The following AKAP9 variants were observed in gnomAD, a reference collection of about 807,000 sequenced individuals.
AKAP9 encodes A-kinase anchor protein 9.
A neutral mutation model predicts 488.5 loss-of-function variants in AKAP9; 311 were observed. The observed-to-expected ratio is 0.64, with a 90% CI of 0.58 to 0.70. The LOEUF (loss-of-function observed/expected upper bound fraction) is 0.70. AKAP9 is among the 30% of genes least tolerant of loss of function. AKAP9 has a pLI of 0.00. For synonymous variants in AKAP9, 1,462 were observed against 1,483.5 expected, an observed-to-expected ratio of 0.99 and a Z score of 0.33; for missense variants, 4,215 against 4,374.5, an observed-to-expected ratio of 0.96 and a Z score of 1.03.
Position 92,022,982 on chromosome 7 carries a change from C to A in AKAP9, c.4121C>A (p.Ala1374Asp), listed in dbSNP as rs1802546746. Residue 1374 changes from alanine to aspartate, a missense_variant, in exon 14 of 50, where the codon GCT (alanine) becomes GAT (aspartate). This residue lies in a region of AKAP9 where 2,361 missense variants were observed against 2,430.0 expected (regional missense o/e 0.97). Coordinates refer to ENST00000356239, the MANE Select transcript of AKAP9 (RefSeq NM_005751.5). The stretch of plus-strand genomic sequence containing the variant: ...CACTGTTTACAGAAGAGGCTTCAAG[C>A]TGTTAGTGAGTCCACGGTTCCGCCA... ...EIHCLQKRLQ[A>D]VSESTVPPSL... is the part of the protein sequence containing the mutation. The A allele has an allele frequency of 6.2e-7, 1 of 1,613,890 alleles. No homozygotes were observed. The highest frequency in any genetic ancestry group is 1.1e-5 in the South Asian group (1 of 91,084).
chr7:92,088,556 A>G (rs1814998461), intron 37 of AKAP9, among the ~76,000 whole-genome samples: 1 of 152,220 alleles, frequency 6.6e-6, no homozygotes, highest in Non-Finnish European at 1.5e-5. Context: ...TGTATGCTAT[A>G]TAATGCTCTT....
chr7:92,015,139 A>G (rs1005190991), intron 10 of AKAP9, among the ~76,000 whole-genome samples: 5 of 152,170 alleles, frequency 3.3e-5, no homozygotes, highest in Admixed American at 6.5e-5. Flanking sequence ...ATAGCAATAA[A>G]CAATTTGATT....
intron 16 of AKAP9, among the ~76,000 whole-genome samples, chr7:92,036,871 G>A (rs1470385780): frequency 6.6e-6 from 1 of 152,080 alleles, no homozygotes; most frequent in Non-Finnish European, 1.5e-5. Context: ...TGCCGTAATG[G>A]GTATATGTTC....
Position 92,100,912 on chromosome 7 carries a change from A to G in AKAP9, c.10953A>G (p.Glu3651=). ...ACATTGAAGCCATCATTGCCTCTGA[A>G]AAAGAAGTATGGAACAGAGAAAAAT... ...GANIEAIIAS[E]KEVWNREKLT... Residue 3651 remains glutamate, a synonymous_variant, in exon 45 of 50, where the codon GAA becomes GAG. Transcript: ENST00000356239. 6.2e-7 allele frequency: 1 copy of G among 1,614,190 alleles called. No homozygotes were observed. Among genetic ancestry groups the G allele is most frequent in the South Asian group, 1.1e-5 (1 of 91,090 alleles).
chr7:91,982,428 G>A (rs7790818), intron 3 of AKAP9, among the ~76,000 whole-genome samples: 2,366 of 152,076 alleles, frequency 0.016, 34 homozygotes, highest in Middle Eastern at 0.034. Flanking sequence ...ACCTATGAGT[G>A]AGAACTTGCA....
At chr7:92,028,991 G>A (rs1803777037) in intron 14 of AKAP9, among the ~76,000 whole-genome samples, 1 of 152,080 alleles carries the variant, frequency 6.6e-6, no homozygotes, top group Non-Finnish European at 1.5e-5. Flanking sequence ...AGAATTTAGG[G>A]TAGAAAAGAA....
In AKAP9 at chr7:92,017,484, T is replaced by C. The variant is rs557755024; in HGVS notation, c.3837+382T>C. 1.3e-4 allele frequency among the ~76,000 whole-genome samples: 20 copies of C among 152,240 alleles called. No individual in the cohort carries two copies. The South Asian group carries it at 3.9e-3, about 30-fold the overall frequency. On this transcript the variant is annotated intron_variant, in intron 12 of 49. Coordinates refer to ENST00000356239, the MANE Select transcript of AKAP9 (RefSeq NM_005751.5). ...AATTAGTTTCACACAGCATTATACA[T>C]GTCAATTTTATTTTCAAGCAATTTT...
intron 2 of AKAP9, 140 bp downstream of exon 2, chr7:91,974,108 C>A: frequency 1.0e-6 from 1 of 994,692 alleles, no homozygotes; most frequent in South Asian, 1.4e-5. Flanking sequence ...ACTAAACAGT[C>A]ATAACTAAAA....
intron 5 of AKAP9, among the ~76,000 whole-genome samples, chr7:91,993,560 A>G (rs1386243703): frequency 6.6e-6 from 1 of 152,204 alleles, no homozygotes; most frequent in African/African-American, 2.4e-5. Flanking sequence ...CACGAGTTCA[A>G]GTCCAGCCTG....
chr7:91,983,982 G>T (rs1223544325), intron 3 of AKAP9, among the ~76,000 whole-genome samples: 1 of 151,962 alleles, frequency 6.6e-6, no homozygotes, highest in Non-Finnish European at 1.5e-5. Context: ...TTTTGTTGGG[G>T]TTTTTTTCTT....
At position 92,002,285 on chromosome 7, in the gene AKAP9, ATGT is replaced by A; in HGVS notation, c.2371_2373del (p.Leu791del). The stretch of plus-strand genomic sequence containing the variant: ...AGATGAAAAGAAAACCCTTGAAGAC[ATGT>A]TGAAAATACATACTCCTGTTAGCCA... On this transcript the variant is annotated inframe_deletion, in exon 8 of 50. Coordinates refer to ENST00000356239, the MANE Select transcript of AKAP9 (RefSeq NM_005751.5). 6.2e-7 allele frequency: 1 copy of A among 1,611,522 alleles called. No individual in the cohort carries two copies. The highest frequency in any genetic ancestry group is 8.5e-7 in the Non-Finnish European group (1 of 1,178,926).
chr7:91,960,254 A>G (rs1793567574), intron 1 of AKAP9, among the ~76,000 whole-genome samples: 1 of 152,174 alleles, frequency 6.6e-6, no homozygotes, highest in Non-Finnish European at 1.5e-5. Context: ...TATTTGTTTC[A>G]TCGTGTTTGT....
intron 8 of AKAP9, among the ~76,000 whole-genome samples, chr7:92,011,140 A>G (rs764598791): frequency 7.9e-5 from 12 of 152,210 alleles, no homozygotes; most frequent in Non-Finnish European, 1.5e-4. Context: ...AATATCAAGT[A>G]TAGAATAAAA....
intron 28 of AKAP9, among the ~76,000 whole-genome samples, chr7:92,075,740 G>A (rs1812479488): frequency 6.6e-6 from 1 of 152,252 alleles, no homozygotes; most frequent in Admixed American, 6.5e-5. Context: ...ACTTTGTGCA[G>A]TGCTTAGCGG....
intron 46 of AKAP9, among the ~76,000 whole-genome samples, chr7:92,104,290 A>G (rs968353082): frequency 6.7e-6 from 1 of 150,264 alleles, no homozygotes; most frequent in Non-Finnish European, 1.5e-5. Context: ...TCCCGGGTTC[A>G]TGCCATTCTC....
intron 23 of AKAP9, among the ~76,000 whole-genome samples, 162 bp downstream of exon 23, chr7:92,061,584 C>CTATATATA (rs71528033): frequency 0.03 from 3,053 of 102,160 alleles, 82 homozygotes; most frequent in Admixed American, 0.041. Context: ...ATTTTTAAAA[C>CTATATATA]TATATATATA....
chr7:91,955,303 G>A (rs1019443818), intron 1 of AKAP9, among the ~76,000 whole-genome samples: 2 of 152,136 alleles, frequency 1.3e-5, no homozygotes, highest in Non-Finnish European at 2.9e-5. Context: ...TATGTAAAAT[G>A]TATGTATAAA....
intron 3 of AKAP9, among the ~76,000 whole-genome samples, chr7:91,981,208 C>G (rs181994161): frequency 6.6e-6 from 1 of 152,262 alleles, no homozygotes; most frequent in Admixed American, 6.5e-5. Flanking sequence ...AAAATCACTG[C>G]TTAAAATTCA....
intron 32 of AKAP9, 143 bp downstream of exon 32, chr7:92,082,805 A>G: frequency 9.7e-7 from 1 of 1,035,472 alleles, no homozygotes; most frequent in Non-Finnish European, 1.4e-6. Flanking sequence ...GAAAACTTTC[A>G]TTGTTATAAA....
Sources: allele counts gnomAD v4.1 joint callset (sites outside exome capture counted in the v4.1 genomes callset), GRCh38; gene constraint gnomAD v4.1.1; regional missense constraint gnomAD v4.1.1; transcripts MANE v1.5; gene names NCBI Gene and HGNC (gene_info 2026-07-23, HGNC 2026-07-21).